Variants in PRKX observed in about 807,000 individuals in gnomAD.
The protein encoded by PRKX is protein kinase cAMP-dependent X-linked catalytic subunit.
PRKX carries 12 observed loss-of-function variants against 22.0 expected under a neutral mutation model. That is an observed-to-expected ratio of 0.54 (90% CI 0.35 to 0.88). The LOEUF is 0.88. PRKX is among the 40% of genes least tolerant of loss of function. The probability of loss-of-function intolerance (pLI) is 0.01; values close to 1 mark genes in which losing one functional copy is unlikely to be tolerated. For synonymous variants in PRKX, 134 were observed against 137.7 expected (o/e 0.97, Z 0.19); for missense variants, 217 against 308.0 (o/e 0.70, Z 2.21).
At chrX:3,675,892 G>A (rs1356339751) in intron 1 of PRKX, among the ~76,000 whole-genome samples, 2 of 111,204 alleles carry the variant, frequency 1.8e-5, no homozygotes, top group Non-Finnish European at 3.8e-5. Flanking sequence ...CAATCTTCCC[G>A]CCTCAGCCTA....
chrX:3,634,997 T>C (rs112849335), intron 4 of PRKX, among the ~76,000 whole-genome samples: 3,100 of 112,577 alleles, frequency 0.028, 117 homozygotes, highest in African/African-American at 0.094. Context: ...AGCCACCATG[T>C]CCAGCCTGAA....
At chrX:3,641,810 C>T (rs766281961) in intron 4 of PRKX, 42 bp downstream of exon 4, 1 of 412,790 alleles carries the variant, frequency 2.4e-6, no homozygotes, top group Non-Finnish European at 4.1e-6. Context: ...GAAGGGGGTG[C>T]TGGCCTGTAA....
At chrX:3,637,925 C>CA (rs917902925) in intron 4 of PRKX, among the ~76,000 whole-genome samples, 1 of 109,216 alleles carries the variant, frequency 9.2e-6, no homozygotes, top group Non-Finnish European at 1.9e-5. Flanking sequence ...CCATGCCTGG[C>CA]TTTTTTTTGT....
At chrX:3,699,446 G>A (rs148744381) in intron 1 of PRKX, among the ~76,000 whole-genome samples, 4,929 of 110,991 alleles carry the variant, frequency 0.044, 273 homozygotes, top group African/African-American at 0.15. Context: ...ACCGCCTGCC[G>A]GGTTCAAGTG....
At chrX:3,676,874 C>T (rs765580660) in intron 1 of PRKX, among the ~76,000 whole-genome samples, 42 of 111,772 alleles carry the variant, frequency 3.8e-4, no homozygotes, top group African/African-American at 1.3e-3. Flanking sequence ...TTTCCCTGCT[C>T]GGGCTCTCTT....
At chrX:3,641,994 C>A (rs1213912673) in intron 3 of PRKX, 23 bp from the exon 4 acceptor site, 1 of 707,588 alleles carries the variant, frequency 1.4e-6, no homozygotes, top group East Asian at 3.3e-5. Flanking sequence ...CAGAGACAGG[C>A]CCCCACAACA....
chrX:3,674,834 G>A (rs1479288475), intron 1 of PRKX, 68 bp from the exon 2 acceptor site: 1 of 1,138,777 alleles, frequency 8.8e-7, no homozygotes, highest in Non-Finnish European at 1.2e-6. Flanking sequence ...CCACAGCCAT[G>A]CAATCAGCGG....
chrX:3,704,767 C>T (rs1240322202), intron 1 of PRKX, among the ~76,000 whole-genome samples: 1 of 111,876 alleles, frequency 8.9e-6, no homozygotes, highest in Non-Finnish European at 1.9e-5. Context: ...AATGACAGGA[C>T]TTTATTCTTT....
At chrX:3,672,331 G>T (rs187997334) in intron 2 of PRKX, among the ~76,000 whole-genome samples, 1 of 111,875 alleles carries the variant, frequency 8.9e-6, no homozygotes, top group Non-Finnish European at 1.9e-5. Flanking sequence ...TTCCTTAATT[G>T]AAAGCAGGGA....
chrX:3,690,927 G>C (rs747705289), intron 1 of PRKX, among the ~76,000 whole-genome samples: 1 of 112,065 alleles, frequency 8.9e-6, no homozygotes, highest in South Asian at 3.7e-4. Flanking sequence ...AAAAACAAGG[G>C]CTGGTTTTCA....
At chrX:3,704,644 C>G (rs1023127052) in intron 1 of PRKX, among the ~76,000 whole-genome samples, 2 of 109,638 alleles carry the variant, frequency 1.8e-5, no homozygotes, top group Non-Finnish European at 3.8e-5. Flanking sequence ...CCTGGGTGTC[C>G]GAGTGAGACC....
intron 1 of PRKX, among the ~76,000 whole-genome samples, chrX:3,687,525 T>C (rs1384800432): frequency 1.8e-5 from 2 of 111,524 alleles, no homozygotes. Flanking sequence ...ACTATAAGAA[T>C]TCCTAAGGCT....
chrX:3,705,110 G>A (rs1307800035), intron 1 of PRKX, among the ~76,000 whole-genome samples: 1 of 111,539 alleles, frequency 9.0e-6, no homozygotes, highest in Admixed American at 9.6e-5. Context: ...CACAAAACAC[G>A]GCAGACTGGG....
At chrX:3,613,470 G>A (rs1215501043) in intron 7 of PRKX, among the ~76,000 whole-genome samples, 5 of 110,085 alleles carry the variant, frequency 4.5e-5, no homozygotes, top group Non-Finnish European at 9.5e-5. Flanking sequence ...TGACCAATGT[G>A]GATAGATAAA....
At chrX:3,707,416 T>C (rs1000166501) in intron 1 of PRKX, among the ~76,000 whole-genome samples, 2 of 110,819 alleles carry the variant, frequency 1.8e-5, no homozygotes, top group Non-Finnish European at 3.8e-5. Flanking sequence ...CGGTGGATGG[T>C]CTTGGGCACA....
At chrX:3,700,106 G>A (rs777262118) in intron 1 of PRKX, among the ~76,000 whole-genome samples, 7 of 112,066 alleles carry the variant, frequency 6.2e-5, no homozygotes, top group Non-Finnish European at 1.1e-4. Flanking sequence ...AAATTAGGCG[G>A]TGACCTTTGA....
intron 2 of PRKX, among the ~76,000 whole-genome samples, chrX:3,656,123 G>A (rs964339540): frequency 3.6e-5 from 4 of 112,098 alleles, no homozygotes; most frequent in East Asian, 2.8e-4. Flanking sequence ...GTAGGCAGAC[G>A]TTAGAATATG....
intron 1 of PRKX, among the ~76,000 whole-genome samples, chrX:3,684,986 T>G (rs1392879591): frequency 9.0e-6 from 1 of 110,789 alleles, no homozygotes; most frequent in African/African-American, 3.3e-5. Flanking sequence ...CCAGCTAATT[T>G]TTGTATTTTT....
chrX:3,669,914 C>G (rs1927814123), intron 2 of PRKX, among the ~76,000 whole-genome samples: 1 of 111,839 alleles, frequency 8.9e-6, no homozygotes, highest in African/African-American at 3.3e-5. Flanking sequence ...GAAAACTTTG[C>G]CCTCCCTCCC....
Sources: allele counts gnomAD v4.1 joint callset (sites outside exome capture counted in the v4.1 genomes callset), GRCh38; gene constraint gnomAD v4.1.1; transcripts MANE v1.5; gene names NCBI Gene and HGNC (gene_info 2026-07-23, HGNC 2026-07-21).